Variants in ROBO2 observed in about 807,000 individuals in gnomAD.
ROBO2 encodes roundabout guidance receptor 2.
Under a neutral mutation model 160.8 loss-of-function variants are expected in ROBO2, and 53 were observed. The observed-to-expected ratio is 0.33, with a 90% confidence interval of 0.26 to 0.41. The LOEUF is 0.41. Among genes scored for constraint, ROBO2 ranks in the 10% least tolerant of loss-of-function variants. The probability of loss-of-function intolerance (pLI) is 1.00; values close to 1 mark genes in which losing one functional copy is unlikely to be tolerated. For synonymous variants in ROBO2, 664 were observed against 611.7 expected (o/e 1.09, Z -1.26); for missense variants, 1,577 against 1,722.4 (o/e 0.92, Z 1.49).
At chr3:76,239,490 C>T (rs1705161860) in intron 2 of ROBO2, among the ~76,000 whole-genome samples, 1 of 151,954 alleles carries the variant, frequency 6.6e-6, no homozygotes, top group Admixed American at 6.6e-5. Context: ...TCAAACCAAG[C>T]AACTATTGGA....
At chr3:75,910,357 G>A (rs1946521263) in intron 1 of ROBO2, among the ~76,000 whole-genome samples, 1 of 152,192 alleles carries the variant, frequency 6.6e-6, no homozygotes, top group East Asian at 1.9e-4. Flanking sequence ...CATATGTCAT[G>A]CCTATGAGGT....
At chr3:76,019,985 G>T (rs1054650935) in intron 2 of ROBO2, among the ~76,000 whole-genome samples, 2 of 151,808 alleles carry the variant, frequency 1.3e-5, no homozygotes, top group South Asian at 4.1e-4. Context: ...CACATGCTTC[G>T]GTTTTCTCTG....
intron 2 of ROBO2, among the ~76,000 whole-genome samples, chr3:76,869,070 T>A (rs534748003): frequency 6.6e-6 from 1 of 152,248 alleles, no homozygotes; most frequent in Non-Finnish European, 1.5e-5. Flanking sequence ...ACTCATTTAA[T>A]CCTCACCAAA....
At chr3:76,510,348 T>G (rs577616516) in intron 2 of ROBO2, among the ~76,000 whole-genome samples, 1 of 152,290 alleles carries the variant, frequency 6.6e-6, no homozygotes, top group African/African-American at 2.4e-5. Flanking sequence ...AAGCATGGCG[T>G]TAGAGTGACC....
chr3:77,315,199 T>C (rs1246152489), intron 2 of ROBO2, among the ~76,000 whole-genome samples: 2 of 152,124 alleles, frequency 1.3e-5, no homozygotes, highest in African/African-American at 4.8e-5. Context: ...AAAGGTCTTA[T>C]TTGCAGAACA....
intron 2 of ROBO2, among the ~76,000 whole-genome samples, chr3:76,467,327 T>A (rs752207166): frequency 1.3e-5 from 2 of 152,124 alleles, no homozygotes; most frequent in Non-Finnish European, 2.9e-5. Flanking sequence ...GTGTTTCTTA[T>A]AGAAAAGCTA....
chr3:76,958,455 A>G (rs2149218624), intron 2 of ROBO2, among the ~76,000 whole-genome samples: 1 of 152,350 alleles, frequency 6.6e-6, no homozygotes, highest in South Asian at 2.1e-4. Context: ...AAAATCCCCA[A>G]TTGCAATGAT....
chr3:76,160,272 C>G (rs2072569097), intron 2 of ROBO2, among the ~76,000 whole-genome samples: 1 of 152,084 alleles, frequency 6.6e-6, no homozygotes, highest in African/African-American at 2.4e-5. Context: ...GAACTTGATT[C>G]CACTTGTTTA....
In ROBO2 at chr3:76,768,983, A is replaced by G. The variant is rs145357056; in HGVS notation, c.110-329031A>G. Among the ~76,000 whole-genome samples the G allele has an allele frequency of 8.5e-3, 1,295 of 151,542 alleles. 11 individuals are homozygous for G. Among genetic ancestry groups the G allele is most frequent in the African/African-American group, 0.03 (1,232 of 41,456 alleles). Reference sequence around the variant, plus strand: ...AAATCTTAAGCTTATTCCTTTTTAAAATTTCTGTGGATTAAGTGGGAAAAT... The same window carrying G: ...AAATCTTAAGCTTATTCCTTTTTAAGATTTCTGTGGATTAAGTGGGAAAAT... On this transcript the variant is annotated intron_variant, in intron 2 of 26. Coordinates refer to the ROBO2 transcript ENST00000487694.
intron 2 of ROBO2, among the ~76,000 whole-genome samples, chr3:76,138,894 T>A (rs1232973374): frequency 1.3e-5 from 2 of 152,138 alleles, no homozygotes; most frequent in Non-Finnish European, 2.9e-5. Flanking sequence ...AGTAAAGAGT[T>A]ACCTGAAGGG....
At chr3:76,284,656 T>A (rs1708421193) in intron 2 of ROBO2, among the ~76,000 whole-genome samples, 2 of 152,164 alleles carry the variant, frequency 1.3e-5, no homozygotes, top group South Asian at 4.1e-4. Context: ...TCAGCTTCTG[T>A]GAGTAAAACA....
chr3:76,849,642 GT>G (rs1210308947), intron 2 of ROBO2, among the ~76,000 whole-genome samples: 1 of 152,070 alleles, frequency 6.6e-6, no homozygotes, highest in Admixed American at 6.6e-5. Flanking sequence ...ATCTATTTCT[GT>G]TTTGACATGG....
chr3:76,331,531 C>T (rs934955853), intron 2 of ROBO2, among the ~76,000 whole-genome samples: 1 of 151,648 alleles, frequency 6.6e-6, no homozygotes, highest in African/African-American at 2.4e-5. Context: ...CTCTAGATTC[C>T]TCTGTTTGGT....
In ROBO2 at chr3:77,568,825, G is replaced by A. The variant is rs180954611; in HGVS notation, c.1971+391G>A. On this transcript the variant is annotated intron_variant, in intron 13 of 25. Transcript: ENST00000461745. ...CATTGATTCTCTCATTTCCCCTACC[G>A]TAGCCCTGTGTAACACTAATCTACT... 9.9e-4 allele frequency among the ~76,000 whole-genome samples: 151 copies of A among 151,894 alleles called. 1 individual carries two copies. Among genetic ancestry groups the A allele is most frequent in the Non-Finnish European group, 1.5e-3 (103 of 67,918 alleles).
At chr3:77,175,560 G>T (rs1415826786) in intron 2 of ROBO2, among the ~76,000 whole-genome samples, 2 of 151,992 alleles carry the variant, frequency 1.3e-5, no homozygotes, top group East Asian at 3.9e-4. Flanking sequence ...CAGGAAGTGT[G>T]TGAAATGGAT....
At chr3:75,978,096 G>T (rs1431553123) in intron 2 of ROBO2, among the ~76,000 whole-genome samples, 1 of 151,432 alleles carries the variant, frequency 6.6e-6, no homozygotes, top group Non-Finnish European at 1.5e-5. Context: ...AAAAATCAGC[G>T]ATAGTAGTTT....
chr3:76,324,686 AAATCATG>A (rs2072861639), intron 2 of ROBO2, among the ~76,000 whole-genome samples: 1 of 152,190 alleles, frequency 6.6e-6, no homozygotes, highest in Non-Finnish European at 1.5e-5. Flanking sequence ...TTTTTTCTTG[AAATCATG>A]AGTCCTTTCT....
intron 2 of ROBO2, among the ~76,000 whole-genome samples, chr3:76,810,922 T>C (rs2065108841): frequency 6.6e-6 from 1 of 152,166 alleles, no homozygotes. Context: ...GAGATGAAGA[T>C]AATTTGGTTG....
chr3:76,611,653 T>G (rs1309368627), intron 2 of ROBO2, among the ~76,000 whole-genome samples: 1 of 152,194 alleles, frequency 6.6e-6, no homozygotes, highest in Non-Finnish European at 1.5e-5. Flanking sequence ...ATTGAGATAT[T>G]CTCTCTTTAT....
Sources: allele counts gnomAD v4.1 joint callset (sites outside exome capture counted in the v4.1 genomes callset), GRCh38; gene constraint gnomAD v4.1.1; transcripts MANE v1.5; gene names NCBI Gene and HGNC (gene_info 2026-07-23, HGNC 2026-07-21).